The following PHF24 variants were observed in gnomAD, a reference collection of about 807,000 sequenced individuals.
PHF24 encodes the protein PHD finger protein 24.
PHF24 carries 25 observed loss-of-function variants against 42.6 expected under a neutral mutation model. That is an observed-to-expected ratio of 0.59 (90% CI 0.43 to 0.82). The LOEUF is 0.82. PHF24 is among the 40% of genes least tolerant of loss of function. The pLI, the probability that PHF24 is intolerant of heterozygous loss-of-function variation, is 0.00. For missense variants in PHF24, 470 were observed against 538.1 expected, an observed-to-expected ratio of 0.87 and a Z score of 1.25; for synonymous variants, 185 against 204.8, an observed-to-expected ratio of 0.90 and a Z score of 0.83.
At chr9:34,883,415 G>C in the PHF24 span, among the ~76,000 whole-genome samples, 2 of 152,190 alleles carry the variant, frequency 1.3e-5, no homozygotes, top group Admixed American at 1.3e-4. Context: ...ACTACCATCA[G>C]AGTGAACAGG....
At chr9:34,690,214 C>T in the PHF24 span, 1 of 1,614,126 alleles carries the variant, frequency 6.2e-7, no homozygotes, top group Non-Finnish European at 8.5e-7. Flanking sequence ...ACTCACACTA[C>T]AGCAGGCACC....
chr9:34,978,141 A>G (rs1827272077), exon 8 of PHF24: 2 of 1,511,468 alleles, frequency 1.3e-6, no homozygotes, highest in Admixed American at 1.7e-5. Flanking sequence ...GTTTGAGGAC[A>G]GTGACATCCT....
At chr9:34,923,240 G>A in the PHF24 span, among the ~76,000 whole-genome samples, 1 of 152,036 alleles carries the variant, frequency 6.6e-6, no homozygotes, top group East Asian at 1.9e-4. Flanking sequence ...CTTTTTAACT[G>A]TTATTGAATT....
At chr9:34,948,258 A>G in the PHF24 span, among the ~76,000 whole-genome samples, 1 of 151,800 alleles carries the variant, frequency 6.6e-6, no homozygotes, top group Admixed American at 6.6e-5. Context: ...TGAAAAGTGT[A>G]TAAAGTTAAA....
At chr9:34,755,076 T>TG in the PHF24 span, among the ~76,000 whole-genome samples, 97 of 151,806 alleles carry the variant, frequency 6.4e-4, no homozygotes, top group African/African-American at 2.1e-3. Context: ...GTTGGAGGGT[T>TG]GGGGGGAAGT....
At chr9:34,866,254 C>G in the PHF24 span, among the ~76,000 whole-genome samples, 1 of 152,200 alleles carries the variant, frequency 6.6e-6, no homozygotes, top group African/African-American at 2.4e-5. Context: ...CCTGTTTCTA[C>G]CCAGCACTAA....
At chr9:34,923,008 G>T in the PHF24 span, 1 of 678,640 alleles carries the variant, frequency 1.5e-6, no homozygotes, top group Non-Finnish European at 2.3e-6. Context: ...CCGGGCCTGG[G>T]CTCCGGCCCG....
chr9:34,875,939 C>CTCTCTG, the PHF24 span, among the ~76,000 whole-genome samples: 2 of 96,322 alleles, frequency 2.1e-5, no homozygotes, highest in Non-Finnish European at 4.3e-5. Flanking sequence ...CACACACACA[C>CTCTCTG]ACACACACAC....
At chr9:34,861,537 A>G in the PHF24 span, among the ~76,000 whole-genome samples, 1 of 152,204 alleles carries the variant, frequency 6.6e-6, no homozygotes, top group African/African-American at 2.4e-5. Flanking sequence ...AATCATGAAG[A>G]CATATCAAAA....
rs545037667 is a variant in PHF24, at chr9:34,961,697, C to T, written c.-5+3296C>T. 7.0e-4 allele frequency among the ~76,000 whole-genome samples: 107 copies of T among 152,372 alleles called. No homozygotes were observed. The South Asian group carries it at 0.017, about 24-fold the overall frequency. On this transcript the variant is annotated intron_variant, in intron 1 of 7. Coordinates refer to ENST00000242315, the Ensembl canonical transcript of PHF24. ...TGTGCTATGCCTCCTCTGGCAGCCA[C>T]ATTCAGCCCTCCTGCCAGTGCCCTG...
At chr9:34,683,768 A>G in the PHF24 span, among the ~76,000 whole-genome samples, 5 of 152,356 alleles carry the variant, frequency 3.3e-5, no homozygotes, top group East Asian at 9.6e-4. Flanking sequence ...GAAGAAAAGA[A>G]TGAGTTCTGG....
the PHF24 span, among the ~76,000 whole-genome samples, chr9:34,714,035 G>GGT: frequency 1.3e-5 from 2 of 151,932 alleles, no homozygotes; most frequent in African/African-American, 4.8e-5. Flanking sequence ...GGGATAAAGA[G>GGT]GTGGTGTTTC....
At chr9:34,726,814 C>T in the PHF24 span, 1 of 1,551,812 alleles carries the variant, frequency 6.4e-7, no homozygotes, top group Non-Finnish European at 8.7e-7. Flanking sequence ...TAGACGTAGA[C>T]AGCATCTCTA....
the PHF24 span, among the ~76,000 whole-genome samples, chr9:34,848,538 G>T: frequency 1.3e-5 from 2 of 151,722 alleles, no homozygotes; most frequent in Non-Finnish European, 2.9e-5. Flanking sequence ...TTGTTGATCC[G>T]TTCAAAAAAC....
the PHF24 span, among the ~76,000 whole-genome samples, chr9:34,773,367 G>A: frequency 6.6e-6 from 1 of 152,000 alleles, no homozygotes; most frequent in Non-Finnish European, 1.5e-5. Flanking sequence ...TTAGGACTGG[G>A]TCAGAAAACA....
At chr9:34,833,384 T>G in the PHF24 span, 3 of 1,551,072 alleles carry the variant, frequency 1.9e-6, no homozygotes, top group South Asian at 1.2e-5. Flanking sequence ...TTGGTTCTGC[T>G]GCACTGCCTT....
the PHF24 span, among the ~76,000 whole-genome samples, chr9:34,702,988 A>C: frequency 6.6e-6 from 1 of 152,216 alleles, no homozygotes; most frequent in South Asian, 2.1e-4. Flanking sequence ...TGTGAGAAAG[A>C]AAAAGAACTT....
At chr9:34,848,664 G>A in the PHF24 span, among the ~76,000 whole-genome samples, 3 of 151,074 alleles carry the variant, frequency 2.0e-5, no homozygotes, top group Non-Finnish European at 4.4e-5. Flanking sequence ...GTTTGCTCTT[G>A]CTTTTCTAGT....
At chr9:34,889,882 C>T in the PHF24 span, among the ~76,000 whole-genome samples, 28 of 152,194 alleles carry the variant, frequency 1.8e-4, no homozygotes, top group African/African-American at 5.1e-4. Context: ...TGGGCACTCC[C>T]GGTTTGGCAT....
Sources: gnomAD v4.1 joint callset for allele counts (sites outside exome capture counted in the v4.1 genomes callset) on GRCh38, gnomAD v4.1.1 for gene constraint, MANE v1.5 for transcripts, NCBI Gene and HGNC (gene_info 2026-07-23, HGNC 2026-07-21) for gene names.